The following OXSR1 variants were observed in gnomAD, a reference collection of about 807,000 sequenced individuals.
OXSR1 encodes serine/threonine-protein kinase OSR1.
OXSR1 carries 24 observed loss-of-function variants against 79.8 expected under a neutral mutation model. The observed-to-expected ratio is 0.30, with a 90% CI of 0.22 to 0.42. OXSR1 has a LOEUF of 0.42. Ranked by LOEUF, OXSR1 falls within the 10% of genes least tolerant of loss-of-function variation. The pLI is 1.00. For synonymous variants in OXSR1, 226 were observed against 209.2 expected, an observed-to-expected ratio of 1.08 and a Z score of -0.69; for missense variants, 430 against 618.4, an observed-to-expected ratio of 0.70 and a Z score of 3.23.
rs1575295949 is a variant in OXSR1, at chr3:38,165,685, G to T, written c.-192G>T. 1 of 544,568 alleles carries T rather than the reference G, an allele frequency of 1.8e-6. No individual in the cohort carries two copies. The highest frequency in any genetic ancestry group is 3.2e-6 in the Non-Finnish European group (1 of 310,530). The allele number at this position is 544,568 out of a possible 1,614,324, so 33.7% of individuals were successfully genotyped here. Reference sequence around the variant, plus strand: ...GAGGAGCAGGAGGCGAGGTCCGCCGGAGCTCTGAGCCCCCGCTGCTCTGCC... The same window carrying T: ...GAGGAGCAGGAGGCGAGGTCCGCCGTAGCTCTGAGCCCCCGCTGCTCTGCC... On this transcript the variant is annotated 5_prime_UTR_variant, in exon 1 of 18. Transcript: ENST00000311806.
At chr3:38,241,653 G>C (rs146674643) in intron 11 of OXSR1, among the ~76,000 whole-genome samples, 162 of 151,952 alleles carry the variant, frequency 1.1e-3, no homozygotes, top group African/African-American at 3.7e-3. Flanking sequence ...CAGATGAGGG[G>C]AAAAAAGGTT....
chr3:38,189,139 A>C (rs1309601009), intron 2 of OXSR1, among the ~76,000 whole-genome samples: 1 of 152,168 alleles, frequency 6.6e-6, no homozygotes, highest in African/African-American at 2.4e-5. Context: ...ATCCTATAGA[A>C]TTAAACATGG....
chr3:38,247,152 C>A (rs1420881893), intron 13 of OXSR1, among the ~76,000 whole-genome samples: 1 of 151,982 alleles, frequency 6.6e-6, no homozygotes, highest in South Asian at 2.1e-4. Context: ...AAATTAGATT[C>A]ATTTTATAAA....
At chr3:38,239,366 G>A (rs1702982094) in intron 11 of OXSR1, among the ~76,000 whole-genome samples, 1 of 152,092 alleles carries the variant, frequency 6.6e-6, no homozygotes, top group Admixed American at 6.6e-5. Context: ...ATTTCTGTAA[G>A]TCTTCTTGAG....
chr3:38,222,300 A>C (rs1158794651), intron 6 of OXSR1, among the ~76,000 whole-genome samples: 4 of 152,174 alleles, frequency 2.6e-5, no homozygotes, highest in African/African-American at 9.7e-5. Context: ...TGAGTAACAG[A>C]ATGAACGAGA....
chr3:38,190,960 A>G (rs539159513), intron 3 of OXSR1, 121 bp downstream of exon 3: 2 of 667,428 alleles, frequency 3.0e-6, no homozygotes, highest in Admixed American at 2.8e-5. Flanking sequence ...TACTGAAAAT[A>G]TAGTATTTGC....
intron 13 of OXSR1, among the ~76,000 whole-genome samples, chr3:38,246,716 G>T (rs1703148730): frequency 6.6e-6 from 1 of 152,020 alleles, no homozygotes; most frequent in African/African-American, 2.4e-5. Context: ...ATTTATCCAG[G>T]TGCACACAAA....
chr3:38,240,975 C>T (rs989152354), intron 11 of OXSR1, among the ~76,000 whole-genome samples: 6 of 151,880 alleles, frequency 4.0e-5, no homozygotes, highest in Admixed American at 6.6e-5. Flanking sequence ...CAATCATCGT[C>T]GCAAGGATAG....
chr3:38,224,487 G>T, intron 7 of OXSR1, 84 bp from the exon 8 acceptor site: 1 of 989,038 alleles, frequency 1.0e-6, no homozygotes, highest in Non-Finnish European at 1.5e-6. Context: ...TGGTCGGGGG[G>T]TGCCTGTATT....
intron 3 of OXSR1, among the ~76,000 whole-genome samples, chr3:38,193,613 CTT>C (rs35335075): frequency 4.3e-4 from 56 of 131,516 alleles, no homozygotes; most frequent in African/African-American, 1.4e-3. Context: ...AGCAGAACGA[CTT>C]TTTTTTTTTT....
chr3:38,210,069 T>A (rs1702354589), intron 4 of OXSR1, among the ~76,000 whole-genome samples: 1 of 152,112 alleles, frequency 6.6e-6, no homozygotes, highest in African/African-American at 2.4e-5. Flanking sequence ...TTTTTTCCTC[T>A]TGACACTTTA....
rs374210654 is a variant in OXSR1, at chr3:38,247,755, G to C, written c.1322+23G>C. 9.0e-4 allele frequency: 1,323 copies of C among 1,469,886 alleles called. 1 individual carries two copies. The highest frequency in any genetic ancestry group is 1.2e-3 in the Non-Finnish European group (1,232 of 1,050,898). The allele number at this position is 1,469,886 out of a possible 1,614,324, so 91.1% of individuals were successfully genotyped here. On this transcript the variant is annotated intron_variant, in intron 14 of 17. Coordinates refer to ENST00000311806, the MANE Select transcript of OXSR1 (RefSeq NM_005109.3). Reference sequence around the variant, plus strand: ...AAGGTAAGTAGACATTTTTTGTTTTGTTTTCTTTTGTTTTCTGAATATTCT... The same window carrying C: ...AAGGTAAGTAGACATTTTTTGTTTTCTTTTCTTTTGTTTTCTGAATATTCT...
intron 4 of OXSR1, among the ~76,000 whole-genome samples, chr3:38,213,387 T>C (rs962468257): frequency 1.3e-5 from 2 of 152,036 alleles, no homozygotes; most frequent in Non-Finnish European, 2.9e-5. Flanking sequence ...CCATTACTCC[T>C]CAAAACTGTC....
chr3:38,225,396 C>T (rs2125838793), intron 8 of OXSR1, among the ~76,000 whole-genome samples: 1 of 152,236 alleles, frequency 6.6e-6, no homozygotes, highest in Non-Finnish European at 1.5e-5. Flanking sequence ...CACTCAGCTT[C>T]TTAGCACTGA....
chr3:38,180,848 T>A (rs371283987), intron 1 of OXSR1, among the ~76,000 whole-genome samples: 1 of 152,088 alleles, frequency 6.6e-6, no homozygotes, highest in Non-Finnish European at 1.5e-5. Context: ...CTCTGACTAC[T>A]TCCATTGTCT....
rs186733245 is a variant in OXSR1 at position 38,254,641 on chromosome 3, G to A, written c.*1750G>A. On this transcript the variant is annotated 3_prime_UTR_variant, in exon 18 of 18. Coordinates refer to ENST00000311806, the MANE Select transcript of OXSR1 (RefSeq NM_005109.3). Reference sequence around the variant, plus strand: ...GACGGAGAGGAACAAGGATGGGGAGGTAGGAATGAGGTATAGAAAAGAGAT... The same window carrying A: ...GACGGAGAGGAACAAGGATGGGGAGATAGGAATGAGGTATAGAAAAGAGAT... The A allele has an allele frequency of 4.3e-4, 74 of 171,026 alleles. No homozygotes were observed. The highest frequency in any genetic ancestry group is 1.7e-3 in the African/African-American group (73 of 42,368). 10.6% of individuals were successfully genotyped at this position (171,026 alleles called of 1,614,324 possible).
At chr3:38,185,147 C>A (rs1422992907) in intron 2 of OXSR1, among the ~76,000 whole-genome samples, 1 of 151,554 alleles carries the variant, frequency 6.6e-6, no homozygotes, top group Admixed American at 6.6e-5. Flanking sequence ...ATACGACTTA[C>A]ACATATAACT....
In OXSR1 at chr3:38,216,075, AC is replaced by A. The variant is rs1279212417; in HGVS notation, c.435-20del. On this transcript the variant is annotated intron_variant, in intron 4 of 17. Coordinates refer to ENST00000311806, the MANE Select transcript of OXSR1 (RefSeq NM_005109.3). ...AAGAATAGATGTTTTTTGATACATA[AC>A]TTTTTTTTTTTTTTTAAAGAGATGT... 7.6e-7 allele frequency: 1 copy of A among 1,309,590 alleles called. No homozygotes were observed. Among genetic ancestry groups the A allele is most frequent in the Non-Finnish European group, 1.1e-6 (1 of 919,792 alleles). The allele number at this position is 1,309,590 out of a possible 1,614,324, so 81.1% of individuals were successfully genotyped here.
intron 5 of OXSR1, among the ~76,000 whole-genome samples, chr3:38,217,672 C>T (rs899875017): frequency 3.7e-4 from 56 of 152,118 alleles, no homozygotes; most frequent in African/African-American, 1.3e-3. Context: ...GGATTACAGG[C>T]GTGCACCCCT....
Sources: allele counts gnomAD v4.1 joint callset (sites outside exome capture counted in the v4.1 genomes callset), GRCh38; gene constraint gnomAD v4.1.1; transcripts MANE v1.5; gene names NCBI Gene and HGNC (gene_info 2026-07-23, HGNC 2026-07-21).